The following MGAT4C variants were observed in gnomAD, a reference collection of about 807,000 sequenced individuals.
MGAT4C encodes alpha-1,3-mannosyl-glycoprotein 4-beta-N-acetylglucosaminyltransferase C.
MGAT4C carries 19 observed loss-of-function variants against 40.1 expected under a neutral mutation model. That is an observed-to-expected ratio of 0.47 (90% CI 0.33 to 0.70). The LOEUF (loss-of-function observed/expected upper bound fraction) is 0.70. MGAT4C is among the 30% of genes least tolerant of loss of function. The pLI, the probability that MGAT4C is intolerant of heterozygous loss-of-function variation, is 0.02. For synonymous variants in MGAT4C, 181 were observed against 187.1 expected (o/e 0.97, Z 0.27); for missense variants, 491 against 563.2 (o/e 0.87, Z 1.30).
intron 1 of MGAT4C, among the ~76,000 whole-genome samples, chr12:86,207,401 T>C (rs1000743117): frequency 1.3e-5 from 2 of 152,104 alleles, no homozygotes; most frequent in Non-Finnish European, 2.9e-5. Context: ...TTTTAAGCCC[T>C]GCATGCATTA....
chr12:86,297,483 G>A (rs1282796880), intron 4 of MGAT4C, among the ~76,000 whole-genome samples: 1 of 152,154 alleles, frequency 6.6e-6, no homozygotes, highest in Non-Finnish European at 1.5e-5. Context: ...TTGAGTCTGT[G>A]CACATTAAGG....
intron 2 of MGAT4C, among the ~76,000 whole-genome samples, chr12:86,477,950 G>A (rs1407099542): frequency 6.6e-6 from 1 of 151,998 alleles, no homozygotes; most frequent in African/African-American, 2.4e-5. Flanking sequence ...GAACTAACTT[G>A]GACTTACAAA....
Position 86,241,560 on chromosome 12 carries a change from T to C in MGAT4C, c.-57+14679A>G, listed in dbSNP as rs550024907. On this transcript the variant is annotated intron_variant, in intron 1 of 4. Transcript: ENST00000611864. ...TAATTCATTACTGCTCCAAATTGTT[T>C]GGGTTCTGACATTTTTGTAGATTGG... Among the ~76,000 whole-genome samples the C allele has an allele frequency of 3.3e-5, 5 of 152,302 alleles. No individual in the cohort carries two copies. In the South Asian group the frequency reaches 1.0e-3, roughly 32 times the overall value.
chr12:86,058,535 G>A (rs1431513006), intron 1 of MGAT4C, among the ~76,000 whole-genome samples: 3 of 151,958 alleles, frequency 2.0e-5, no homozygotes, highest in Admixed American at 1.3e-4. Flanking sequence ...TATTGTCATC[G>A]ACTCATACAA....
intron 1 of MGAT4C, among the ~76,000 whole-genome samples, chr12:86,201,879 T>A (rs1330021106): frequency 1.3e-5 from 2 of 152,154 alleles, no homozygotes; most frequent in Admixed American, 1.3e-4. Flanking sequence ...GTCCACTAAA[T>A]TCATTGCTAT....
intron 2 of MGAT4C, among the ~76,000 whole-genome samples, chr12:86,706,563 C>G (rs1295382602): frequency 6.6e-6 from 1 of 152,004 alleles, no homozygotes; most frequent in Non-Finnish European, 1.5e-5. Context: ...CAGCCTTATA[C>G]TAGTTTTTAT....
At chr12:86,721,447 G>A (rs1343009579) in intron 2 of MGAT4C, among the ~76,000 whole-genome samples, 5 of 151,724 alleles carry the variant, frequency 3.3e-5, no homozygotes, top group African/African-American at 7.3e-5. Context: ...GTAGACTAGC[G>A]CAATTCATCT....
chr12:86,694,955 G>A lies in MGAT4C; in HGVS notation c.-229+32254C>T, dbSNP rs146546469. On this transcript the variant is annotated intron_variant, in intron 2 of 7. Coordinates refer to the MGAT4C transcript ENST00000548651. ...ATTAAAAGGCTTCTAAGCAGCAAAC[G>A]AAACAATTAACAAAGTGAAGAGGCA... Among the ~76,000 whole-genome samples, 59 of 152,170 alleles carry A rather than the reference G, an allele frequency of 3.9e-4. No homozygotes were observed. The East Asian group carries it at 9.3e-3, about 24-fold the overall frequency.
chr12:86,474,509 T>C (rs1957804008), intron 2 of MGAT4C, among the ~76,000 whole-genome samples: 1 of 149,608 alleles, frequency 6.7e-6, no homozygotes, highest in Admixed American at 6.7e-5. Context: ...ATCCTAAAAC[T>C]TAGAGTATAA....
At chr12:86,617,188 A>G (rs1962478934) in intron 2 of MGAT4C, among the ~76,000 whole-genome samples, 1 of 152,206 alleles carries the variant, frequency 6.6e-6, no homozygotes, top group Non-Finnish European at 1.5e-5. Flanking sequence ...TTTTCTCTAC[A>G]AACTGACCTA....
At chr12:86,773,750 T>A (rs1951679360) in intron 1 of MGAT4C, among the ~76,000 whole-genome samples, 1 of 151,968 alleles carries the variant, frequency 6.6e-6, no homozygotes, top group African/African-American at 2.4e-5. Flanking sequence ...TATATATTTG[T>A]ACACTTTTAA....
At position 85,957,587 on chromosome 12, in the gene MGAT4C, G is replaced by C. The variant is rs180913626; in HGVS notation, c.*21702C>G. 1.3e-5 allele frequency: 2 copies of C among 148,980 alleles called. No individual in the cohort carries two copies. The highest frequency in any genetic ancestry group is 1.4e-4 in the Admixed American group (2 of 14,680). The allele number at this position is 148,980 out of a possible 1,614,324, so 9.2% of individuals were successfully genotyped here. On this transcript the variant is annotated 3_prime_UTR_variant, in exon 5 of 5. Coordinates refer to ENST00000611864, the MANE Select transcript of MGAT4C (RefSeq NM_001351288.2). ...ATCCTACTATCCTCCTTCTAGCTAT[G>C]GCTGAAGATAGCTCTGTTATGTCAA...
rs116668760 is a variant in MGAT4C, at chr12:86,322,674, C to T, written c.-57+11391G>A. Among the ~76,000 whole-genome samples the T allele has an allele frequency of 3.3e-3, 496 of 151,904 alleles. 1 individual carries two copies. Among genetic ancestry groups the T allele is most frequent in the African/African-American group, 0.012 (481 of 41,444 alleles). On this transcript the variant is annotated intron_variant, in intron 4 of 7. Coordinates refer to the MGAT4C transcript ENST00000548651. ...GTTATAATTCATTGAAAATGGTCAA[C>T]GGGAAGGGCAATTTAGTTGCTTTGA...
rs369133126 is a variant in MGAT4C at position 86,796,040 on chromosome 12, CT to C, written c.-262+42625del. The stretch of plus-strand genomic sequence containing the variant: ...AAATTTACACGCTTTCTTAAATATC[CT>C]TTGCTGAGCTGAACCTAAGCATAAA... On this transcript the variant is annotated intron_variant, in intron 1 of 7. Coordinates refer to the MGAT4C transcript ENST00000548651. 6.2e-4 allele frequency among the ~76,000 whole-genome samples: 94 copies of C among 152,016 alleles called. No homozygotes were observed. The South Asian group carries it at 0.019, about 30-fold the overall frequency.
intron 1 of MGAT4C, among the ~76,000 whole-genome samples, chr12:86,832,383 T>C (rs1952946604): frequency 6.6e-6 from 1 of 151,854 alleles, no homozygotes; most frequent in Non-Finnish European, 1.5e-5. Context: ...AATTATACCA[T>C]TTTGTTCTTT....
At chr12:86,388,682 T>TTTTTTTTTTTTTTTTTTTTTTTG (rs1956108357) in intron 3 of MGAT4C, among the ~76,000 whole-genome samples, 1 of 137,470 alleles carries the variant, frequency 7.3e-6, no homozygotes, top group African/African-American at 2.6e-5. Context: ...TTTGTTTTTT[T>TTTTTTTTTTTTTTTTTTTTTTTG]TTTTTTTTTT....
At chr12:86,000,996 A>AC (rs1224353065) in intron 2 of MGAT4C, among the ~76,000 whole-genome samples, 2 of 152,114 alleles carry the variant, frequency 1.3e-5, no homozygotes, top group African/African-American at 2.4e-5. Context: ...CACCATCAAG[A>AC]CACTATACAC....
chr12:86,098,287 T>C (rs1000536282), intron 1 of MGAT4C, among the ~76,000 whole-genome samples: 1 of 151,652 alleles, frequency 6.6e-6, no homozygotes, highest in South Asian at 2.1e-4. Flanking sequence ...TCAAGGTAAT[T>C]TGTTATTTTG....
intron 2 of MGAT4C, among the ~76,000 whole-genome samples, chr12:86,494,394 T>C (rs1249303427): frequency 6.6e-6 from 1 of 151,988 alleles, no homozygotes; most frequent in Non-Finnish European, 1.5e-5. Flanking sequence ...TTTTAGATTT[T>C]GTTTCAATTT....
Sources: allele counts gnomAD v4.1 joint callset (sites outside exome capture counted in the v4.1 genomes callset), GRCh38; gene constraint gnomAD v4.1.1; transcripts MANE v1.5; gene names NCBI Gene and HGNC (gene_info 2026-07-23, HGNC 2026-07-21).